KLHL1: variants seen among roughly 807,000 people sequenced by gnomAD.
The protein encoded by KLHL1 is kelch like family member 1.
A neutral mutation model predicts 77.7 loss-of-function variants in KLHL1; 47 were observed. The observed-to-expected ratio is 0.60, with a 90% CI of 0.48 to 0.77. The LOEUF is 0.77. Ranked by LOEUF, KLHL1 falls within the 30% of genes least tolerant of loss-of-function variation. The pLI is 0.00. For missense variants in KLHL1, 925 were observed against 910.8 expected, an observed-to-expected ratio of 1.02 and a Z score of -0.20; for synonymous variants, 360 against 325.2, an observed-to-expected ratio of 1.11 and a Z score of -1.15.
chr13:70,032,260 A>G (rs1886120767), intron 1 of KLHL1, among the ~76,000 whole-genome samples: 1 of 152,224 alleles, frequency 6.6e-6, no homozygotes, highest in Admixed American at 6.5e-5. Flanking sequence ...TGTTGTGACA[A>G]TGCGCAAAAC....
intron 1 of KLHL1, among the ~76,000 whole-genome samples, chr13:70,005,496 T>C (rs997175725): frequency 6.6e-6 from 1 of 152,032 alleles, no homozygotes; most frequent in Non-Finnish European, 1.5e-5. Flanking sequence ...GCTCATCAGC[T>C]ATAATTAGTG....
intron 6 of KLHL1, among the ~76,000 whole-genome samples, chr13:69,811,240 A>C (rs1195206971): frequency 2.0e-5 from 3 of 152,136 alleles, no homozygotes; most frequent in African/African-American, 7.2e-5. Context: ...AATGCTAGCA[A>C]ATCTGAATCC....
At chr13:69,925,367 G>GT (rs1882781712) in intron 4 of KLHL1, among the ~76,000 whole-genome samples, 2 of 152,104 alleles carry the variant, frequency 1.3e-5, no homozygotes, top group Non-Finnish European at 2.9e-5. Flanking sequence ...AAAACACTTA[G>GT]AACACAGTCT....
intron 5 of KLHL1, among the ~76,000 whole-genome samples, chr13:69,868,726 T>G (rs1232867968): frequency 1.3e-5 from 2 of 152,176 alleles, no homozygotes; most frequent in Non-Finnish European, 2.9e-5. Context: ...TAATTTTTTT[T>G]TTGTTTGAAA....
intron 7 of KLHL1, among the ~76,000 whole-genome samples, chr13:69,776,349 A>G (rs1319336817): frequency 6.6e-6 from 1 of 152,192 alleles, no homozygotes; most frequent in Non-Finnish European, 1.5e-5. Context: ...AATGAAGCAA[A>G]GCAAAACCAC....
chr13:69,743,916 T>A (rs9599502), intron 7 of KLHL1, among the ~76,000 whole-genome samples: 13,158 of 151,778 alleles, frequency 0.087, 685 homozygotes, highest in Non-Finnish European at 0.11. Flanking sequence ...AGTTTGAAAA[T>A]TATTTTTGGG....
chr13:70,020,319 A>G (rs1310987544), intron 1 of KLHL1, among the ~76,000 whole-genome samples: 1 of 152,164 alleles, frequency 6.6e-6, no homozygotes, highest in Non-Finnish European at 1.5e-5. Flanking sequence ...AGAGTGAACC[A>G]TGCTCAAAGA....
intron 4 of KLHL1, among the ~76,000 whole-genome samples, chr13:69,890,060 A>G (rs1881368877): frequency 6.6e-6 from 1 of 152,088 alleles, no homozygotes; most frequent in Non-Finnish European, 1.5e-5. Context: ...AATTTAAAAA[A>G]AGAAAGGCTC....
chr13:69,811,745 G>A (rs1479956731), intron 6 of KLHL1, among the ~76,000 whole-genome samples: 1 of 152,060 alleles, frequency 6.6e-6, no homozygotes, highest in South Asian at 2.1e-4. Flanking sequence ...TCTATCAAAA[G>A]ACCCTAGACT....
At position 69,859,088 on chromosome 13, in the gene KLHL1, T is replaced by C. The variant is rs144998924; in HGVS notation, c.1228-19926A>G. 4.6e-5 allele frequency among the ~76,000 whole-genome samples: 7 copies of C among 152,146 alleles called. No individual in the cohort carries two copies. The East Asian group carries it at 1.4e-3, about 29-fold the overall frequency. On this transcript the variant is annotated intron_variant, in intron 5 of 10. Transcript: ENST00000377844. Reference sequence around the variant, plus strand: ...ACACATCAAAGCACTGTATAAAACTTGCAATTTTACCTTCAAAATATATCC... The same window carrying C: ...ACACATCAAAGCACTGTATAAAACTCGCAATTTTACCTTCAAAATATATCC...
At chr13:69,791,980 CAG>C (rs1445330767) in intron 7 of KLHL1, among the ~76,000 whole-genome samples, 1 of 152,038 alleles carries the variant, frequency 6.6e-6, no homozygotes, top group Non-Finnish European at 1.5e-5. Context: ...AAGAAAATTG[CAG>C]AGCGTCAGGA....
intron 8 of KLHL1, among the ~76,000 whole-genome samples, chr13:69,731,937 AT>A (rs942677954): frequency 6.6e-6 from 1 of 152,120 alleles, no homozygotes; most frequent in East Asian, 1.9e-4. Context: ...AAAATATTTT[AT>A]TTTTTGACCT....
At chr13:69,889,147 A>T (rs1426762126) in intron 4 of KLHL1, among the ~76,000 whole-genome samples, 1 of 152,064 alleles carries the variant, frequency 6.6e-6, no homozygotes. Context: ...AGTTTTTAGT[A>T]ATAATTACCT....
At chr13:69,928,325 AC>A (rs1882883264) in intron 4 of KLHL1, among the ~76,000 whole-genome samples, 1 of 152,200 alleles carries the variant, frequency 6.6e-6, no homozygotes, top group Non-Finnish European at 1.5e-5. Flanking sequence ...AAAAACTTAA[AC>A]ATCCGATTCC....
intron 7 of KLHL1, among the ~76,000 whole-genome samples, chr13:69,774,691 T>C (rs149936131): frequency 6.6e-6 from 1 of 152,104 alleles, no homozygotes; most frequent in African/African-American, 2.4e-5. Flanking sequence ...CACAAGCAAG[T>C]AGAAATAGCC....
chr13:70,034,979 GA>G (rs1886203196), intron 1 of KLHL1, among the ~76,000 whole-genome samples: 1 of 151,942 alleles, frequency 6.6e-6, no homozygotes, highest in Non-Finnish European at 1.5e-5. Flanking sequence ...TAAATAAAGT[GA>G]TTTTTGTAGT....
At chr13:69,941,285 A>G (rs969320864) in intron 3 of KLHL1, among the ~76,000 whole-genome samples, 6 of 152,068 alleles carry the variant, frequency 3.9e-5, no homozygotes, top group African/African-American at 1.4e-4. Context: ...CTCAAAATTA[A>G]TTCCAAAAGG....
At chr13:69,939,986 T>C (rs1883316605) in intron 4 of KLHL1, 54 bp downstream of exon 4, 6 of 1,357,606 alleles carry the variant, frequency 4.4e-6, no homozygotes, top group Middle Eastern at 2.1e-4. Context: ...TAATTATTTT[T>C]ACCTCTGATA....
intron 1 of KLHL1, among the ~76,000 whole-genome samples, chr13:70,081,332 A>G (rs1298053995): frequency 1.3e-5 from 2 of 152,290 alleles, no homozygotes; most frequent in East Asian, 3.9e-4. Context: ...AAGTCTGGGC[A>G]TGTCTTAGCT....
Sources: allele counts gnomAD v4.1 joint callset (sites outside exome capture counted in the v4.1 genomes callset), GRCh38; gene constraint gnomAD v4.1.1; transcripts MANE v1.5; gene names NCBI Gene and HGNC (gene_info 2026-07-23, HGNC 2026-07-21).